Variants in TENM1 observed in about 807,000 individuals in gnomAD.
TENM1 encodes the protein teneurin transmembrane protein 1, also known as teneurin-1.
Under a neutral mutation model 174.8 loss-of-function variants are expected in TENM1, and 35 were observed. That is an observed-to-expected ratio of 0.20 (90% CI 0.15 to 0.27). The LOEUF is 0.27. Ranked by LOEUF, TENM1 falls within the 10% of genes least tolerant of loss-of-function variation. TENM1 has a pLI of 1.00. For synonymous variants in TENM1, 781 were observed against 798.7 expected, an observed-to-expected ratio of 0.98 and a Z score of 0.37; for missense variants, 1,633 against 2,130.1, an observed-to-expected ratio of 0.77 and a Z score of 4.59.
the TENM1 span, among the ~76,000 whole-genome samples, chrX:125,161,203 A>T: frequency 9.0e-6 from 1 of 111,081 alleles, no homozygotes; most frequent in African/African-American, 3.3e-5. Flanking sequence ...GAGCATTCTC[A>T]AGTCACTTAT....
the TENM1 span, among the ~76,000 whole-genome samples, chrX:125,126,302 G>A: frequency 9.0e-6 from 1 of 111,432 alleles, no homozygotes; most frequent in Non-Finnish European, 1.9e-5. Flanking sequence ...GAAGATTTCT[G>A]GGCTGTGAAG....
rs1412645500 is a variant in TENM1, at chrX:124,886,536, TATATATATATATAG to T, written c.535+7746_535+7759del. On this transcript the variant is annotated intron_variant, in intron 3 of 31. Transcript: ENST00000422452. ...AAAAACATATACATATATATATATA[TATATATATATATAG>T]AGAGAGAGAGAGAGAGAGAGAGAGA... 4.4e-5 allele frequency among the ~76,000 whole-genome samples: 4 copies of T among 90,925 alleles called. No homozygotes were observed. The South Asian group carries it at 1.7e-3, about 38-fold the overall frequency. 79.0% of individuals were successfully genotyped at this position (90,925 alleles called of 115,157 possible).
At chrX:124,440,432 T>C (rs943120231) in intron 23 of TENM1, among the ~76,000 whole-genome samples, 2 of 111,818 alleles carry the variant, frequency 1.8e-5, no homozygotes, top group African/African-American at 6.5e-5. Context: ...GAGAGGCCAC[T>C]TAATCAACAA....
At chrX:124,996,216 A>C in the TENM1 span, among the ~76,000 whole-genome samples, 84 of 110,853 alleles carry the variant, frequency 7.6e-4, 1 homozygote, top group African/African-American at 2.7e-3. Flanking sequence ...CAAATTCTTT[A>C]ATCCTTCTTC....
At chrX:124,563,579 C>T (rs1162073750) in intron 13 of TENM1, among the ~76,000 whole-genome samples, 170 bp downstream of exon 16, 1 of 109,992 alleles carries the variant, frequency 9.1e-6, no homozygotes, top group African/African-American at 3.3e-5. Context: ...AACAAATTAC[C>T]TTTTAGTGTG....
chrX:124,785,179 C>A (rs757946120), intron 3 of TENM1, among the ~76,000 whole-genome samples: 1 of 111,080 alleles, frequency 9.0e-6, no homozygotes, highest in Admixed American at 9.6e-5. Context: ...TAGAAGGAGC[C>A]CATTCTAAGT....
chrX:124,572,847 TG>T (rs2148191997), intron 11 of TENM1, among the ~76,000 whole-genome samples: 1 of 111,598 alleles, frequency 9.0e-6, no homozygotes, highest in South Asian at 3.8e-4. Context: ...AAAACTTTAT[TG>T]AAGAACACAT....
chrX:124,576,274 G>A (rs1428039336), intron 11 of TENM1, among the ~76,000 whole-genome samples: 3 of 111,171 alleles, frequency 2.7e-5, no homozygotes, highest in African/African-American at 6.6e-5. Context: ...TGGCCAGGCC[G>A]GTCTCGAACT....
chrX:124,841,279 T>C (rs1017039074), intron 3 of TENM1, among the ~76,000 whole-genome samples: 2 of 111,984 alleles, frequency 1.8e-5, no homozygotes, highest in Middle Eastern at 4.2e-3. Flanking sequence ...CATCATCTTT[T>C]GTCCTTTTGG....
intron 14 of TENM1, 112 bp downstream of exon 17, chrX:124,561,559 C>G (rs1431565242): frequency 1.2e-4 from 97 of 839,037 alleles, no homozygotes; most frequent in Non-Finnish European, 1.6e-4. Flanking sequence ...CTATATAACT[C>G]AGTATCATTT....
intron 3 of TENM1, among the ~76,000 whole-genome samples, chrX:124,743,173 T>C (rs1257197994): frequency 9.0e-6 from 1 of 111,467 alleles, no homozygotes; most frequent in Non-Finnish European, 1.9e-5. Flanking sequence ...ATCTGGCTGT[T>C]CTGTTCTCAA....
chrX:124,846,214 A>G (rs779880221), intron 3 of TENM1, among the ~76,000 whole-genome samples: 24 of 110,767 alleles, frequency 2.2e-4, no homozygotes, highest in Non-Finnish European at 4.0e-4. Context: ...GAAAAACGAC[A>G]TCGGTGGGTG....
the TENM1 span, among the ~76,000 whole-genome samples, chrX:124,981,716 G>A: frequency 9.0e-6 from 1 of 111,298 alleles, no homozygotes; most frequent in Non-Finnish European, 1.9e-5. Flanking sequence ...ATTATCTACT[G>A]TGAAGAAGGA....
chrX:125,202,724 C>T, the TENM1 span, among the ~76,000 whole-genome samples: 1 of 108,092 alleles, frequency 9.3e-6, no homozygotes, highest in Non-Finnish European at 1.9e-5. Flanking sequence ...CCTCTGTCTC[C>T]GCAATTGTAA....
At chrX:124,966,327 G>T (rs2058724548), upstream of TENM1, among the ~76,000 whole-genome samples, 1 of 111,672 alleles carries the variant, frequency 9.0e-6, no homozygotes, top group Admixed American at 9.5e-5. Context: ...CCCTCTTGCT[G>T]TTTGTGAAAA....
At chrX:124,851,821 T>C (rs2056724296) in intron 3 of TENM1, among the ~76,000 whole-genome samples, 1 of 111,583 alleles carries the variant, frequency 9.0e-6, no homozygotes, top group South Asian at 3.7e-4. Flanking sequence ...TAGACTATCT[T>C]AATTACTTGA....
At chrX:124,849,531 G>A (rs977434445) in intron 3 of TENM1, among the ~76,000 whole-genome samples, 1 of 101,957 alleles carries the variant, frequency 9.8e-6, no homozygotes, top group Admixed American at 1.0e-4. Context: ...TCTAGTAGTT[G>A]AGAGTGACCC....
chrX:124,652,995 C>T (rs1355458326), intron 7 of TENM1, among the ~76,000 whole-genome samples: 1 of 111,322 alleles, frequency 9.0e-6, no homozygotes, highest in Non-Finnish European at 1.9e-5. Context: ...TGTTTGATCA[C>T]TTTTTCTACT....
At chrX:125,006,746 G>A in the TENM1 span, among the ~76,000 whole-genome samples, 1 of 111,423 alleles carries the variant, frequency 9.0e-6, no homozygotes, top group African/African-American at 3.3e-5. Context: ...TGGACACCCA[G>A]CAAATTGTAG....
Sources: gnomAD v4.1 joint callset for allele counts (sites outside exome capture counted in the v4.1 genomes callset) on GRCh38, gnomAD v4.1.1 for gene constraint, MANE v1.5 for transcripts, NCBI Gene and HGNC (gene_info 2026-07-23, HGNC 2026-07-21) for gene names.